PPP2R2C: variants seen among roughly 807,000 people sequenced by gnomAD.
The protein encoded by PPP2R2C is protein phosphatase 2, regulatory subunit B, gamma.
A neutral mutation model predicts 45.3 loss-of-function variants in PPP2R2C; 10 were observed. The observed-to-expected ratio is 0.22, with a 90% CI of 0.14 to 0.37. The LOEUF is 0.37. PPP2R2C is among the 10% of genes least tolerant of loss of function. The pLI is 1.00. For synonymous variants in PPP2R2C, 257 were observed against 245.4 expected, an observed-to-expected ratio of 1.05 and a Z score of -0.44; for missense variants, 308 against 619.7, an observed-to-expected ratio of 0.50 and a Z score of 5.34.
At chr4:6,370,738 C>T (rs1427720016) in intron 5 of PPP2R2C, among the ~76,000 whole-genome samples, 1 of 152,222 alleles carries the variant, frequency 6.6e-6, no homozygotes, top group Non-Finnish European at 1.5e-5. Context: ...GCCCGCAGCT[C>T]TCTTACAGTT....
Position 6,375,792 on chromosome 4 carries a change from G to A in PPP2R2C, c.447+27C>T. The A allele has an allele frequency of 1.9e-6, 3 of 1,540,358 alleles. No homozygotes were observed. The South Asian group carries it at 3.4e-5, about 18-fold the overall frequency. ...CCTCAGGTGTAATAAAGAGGCGTGTGCCTGCTTCCCCCTCACCGGAGCTCA... is the reference window on the plus strand; with the variant it reads ...CCTCAGGTGTAATAAAGAGGCGTGTACCTGCTTCCCCCTCACCGGAGCTCA... On this transcript the variant is annotated intron_variant, in intron 4 of 8. Transcript: ENST00000382599.
In PPP2R2C at chr4:6,378,272, C is replaced by T; in HGVS notation, c.334+135G>A. ...ACTCACTCATGGGATTTATATGCTG[C>T]TCAAAAAGGATATTATTTTCTAGGC... On this transcript the variant is annotated intron_variant, in intron 3 of 8. Transcript: ENST00000382599. The surrounding 1 kb of genome is among the most constrained non-coding windows in gnomAD (Gnocchi z 5.2). 1.3e-6 allele frequency: 2 copies of T among 1,516,958 alleles called. No individual in the cohort carries two copies. The highest frequency in any genetic ancestry group is 1.8e-6 in the Non-Finnish European group (2 of 1,133,258). The allele number at this position is 1,516,958 out of a possible 1,614,324, so 94.0% of individuals were successfully genotyped here.
intron 1 of PPP2R2C, among the ~76,000 whole-genome samples, chr4:6,443,285 C>T (rs899992834): frequency 2.0e-5 from 3 of 152,242 alleles, no homozygotes; most frequent in African/African-American, 7.2e-5. Context: ...AGTGTCATCT[C>T]TGAAAACTGA....
chr4:6,486,342 A>T (rs968100225), intron 2 of PPP2R2C, among the ~76,000 whole-genome samples: 1 of 152,016 alleles, frequency 6.6e-6, no homozygotes, highest in African/African-American at 2.4e-5. Flanking sequence ...TTGAACATCT[A>T]TTCTGCTGTT....
chr4:6,363,101 C>T (rs1713955515), intron 5 of PPP2R2C, among the ~76,000 whole-genome samples: 2 of 152,134 alleles, frequency 1.3e-5, no homozygotes, highest in Admixed American at 6.5e-5. Context: ...TGGCTCACAA[C>T]GGGGTCAGCA....
In PPP2R2C at chr4:6,368,998, T is replaced by G. The variant is rs1714578612; in HGVS notation, c.625+3525A>C. Among the ~76,000 whole-genome samples the G allele has an allele frequency of 6.6e-6, 1 of 152,150 alleles. No individual in the cohort carries two copies. The highest frequency in any genetic ancestry group is 1.5e-5 in the Non-Finnish European group (1 of 67,998). ...AGACGGGGAGACAGGATTCAATCCT[T>G]CTGATGAATGAAGGGGGATGTCTCT... On this transcript the variant is annotated intron_variant, in intron 5 of 8. Coordinates refer to ENST00000382599, the MANE Select transcript of PPP2R2C (RefSeq NM_020416.4). The surrounding 1 kb of genome is among the most constrained non-coding windows in gnomAD (Gnocchi z 4.2).
In PPP2R2C at chr4:6,373,133, A is replaced by T. The variant is rs570204008; in HGVS notation, c.448-433T>A. On this transcript the variant is annotated intron_variant, in intron 4 of 8. Coordinates refer to ENST00000382599, the MANE Select transcript of PPP2R2C (RefSeq NM_020416.4). ...CACATGACTAGTTCTGACCAATGGG[A>T]TGTGAGCAAAGTGATACCTGGCCCT... is the stretch of plus-strand genomic sequence containing the variant. Among the ~76,000 whole-genome samples the T allele has an allele frequency of 3.3e-5, 5 of 152,208 alleles. No homozygotes were observed. The South Asian group carries it at 6.2e-4, about 19-fold the overall frequency.
chr4:6,329,363 T>C lies in PPP2R2C; in HGVS notation c.961-10A>G, dbSNP rs1370556315. The C allele has an allele frequency of 3.1e-6, 5 of 1,611,702 alleles. 1 individual carries two copies. In the South Asian group the frequency reaches 5.5e-5, roughly 18 times the overall value. ...GAAGGTAGTCATGGACCTGGTGGGA[T>C]AAGGGATGAGGTGAGTGGACGGGGC... On this transcript the variant is annotated splice_polypyrimidine_tract_variant and intron_variant, in intron 7 of 8. Transcript: ENST00000382599. This position sits in a 1 kb window ranked among gnomAD's most constrained non-coding sequence, Gnocchi z 5.8.
chr4:6,326,068 G>C (rs1455491285), intron 8 of PPP2R2C, among the ~76,000 whole-genome samples: 1 of 152,206 alleles, frequency 6.6e-6, no homozygotes, highest in Non-Finnish European at 1.5e-5. Context: ...GGCCAACTTG[G>C]GCATGTGATA....
At chr4:6,382,987 G>C (rs1715961614) in intron 1 of PPP2R2C, 1 of 1,076,250 alleles carries the variant, frequency 9.3e-7, no homozygotes, top group African/African-American at 1.7e-5. Flanking sequence ...GCCGCATCTG[G>C]AGCCAAACCT....
chr4:6,333,346 A>G (rs1017166104), intron 7 of PPP2R2C, among the ~76,000 whole-genome samples: 2 of 152,224 alleles, frequency 1.3e-5, no homozygotes, highest in Admixed American at 6.5e-5. Flanking sequence ...GGCCTTGCTC[A>G]GGGACATCCA....
intron 2 of PPP2R2C, among the ~76,000 whole-genome samples, chr4:6,500,241 G>A (rs1235269515): frequency 3.3e-5 from 5 of 152,110 alleles, no homozygotes; most frequent in African/African-American, 9.7e-5. Flanking sequence ...TCCACCTCCC[G>A]AGTTCAAGCG....
At chr4:6,475,390 A>G (rs1185357914), upstream of PPP2R2C, among the ~76,000 whole-genome samples, 1 of 152,052 alleles carries the variant, frequency 6.6e-6, no homozygotes, top group Non-Finnish European at 1.5e-5. Flanking sequence ...AGCTATCCTC[A>G]CTCCGTGTCC....
rs1383054753 is a variant in PPP2R2C at position 6,414,070 on chromosome 4, C to CTGTGTG, written c.71-32977_71-32976insCACACA. On this transcript the variant is annotated intron_variant, in intron 1 of 8. Coordinates refer to ENST00000382599, the MANE Select transcript of PPP2R2C (RefSeq NM_020416.4). The stretch of plus-strand genomic sequence containing the variant: ...CATGGGACAGTAACATAAGTTTTGC[C>CTGTGTG]TGTGTATGTGTGTGTGTGTGTGTGT... 1.3e-4 allele frequency: 151 copies of CTGTGTG among 1,202,570 alleles called. 9 individuals carry two copies. The highest frequency in any genetic ancestry group is 7.5e-4 in the African/African-American group (42 of 56,308). 74.5% of individuals were successfully genotyped at this position (1,202,570 alleles called of 1,614,324 possible).
chr4:6,457,321 A>G (rs976405628), intron 1 of PPP2R2C, among the ~76,000 whole-genome samples: 1 of 152,154 alleles, frequency 6.6e-6, no homozygotes, highest in Non-Finnish European at 1.5e-5. Flanking sequence ...TTGTCAAGAC[A>G]TTAAAAAGTC....
intron 6 of PPP2R2C, among the ~76,000 whole-genome samples, chr4:6,341,173 C>G (rs1733413243): frequency 6.6e-6 from 1 of 152,162 alleles, no homozygotes; most frequent in Admixed American, 6.5e-5. Context: ...AAAACCTTGT[C>G]TCTACTAAAA....
At chr4:6,354,099 T>C (rs1335812137) in intron 5 of PPP2R2C, among the ~76,000 whole-genome samples, 1 of 150,644 alleles carries the variant, frequency 6.6e-6, no homozygotes, top group African/African-American at 2.4e-5. Flanking sequence ...CTGAACCCCT[T>C]GCGCTCTGCC....
intron 2 of PPP2R2C, among the ~76,000 whole-genome samples, chr4:6,516,428 G>A (rs1044299418): frequency 6.6e-6 from 1 of 151,964 alleles, no homozygotes; most frequent in Admixed American, 6.6e-5. Flanking sequence ...CTGTGCAGCT[G>A]AGCAAGCTGC....
intron 6 of PPP2R2C, 30 bp downstream of exon 6, chr4:6,347,816 A>ACCCCCC: frequency 1.3e-6 from 1 of 791,104 alleles, no homozygotes; most frequent in Non-Finnish European, 1.9e-6. Flanking sequence ...CCCAATGCAC[A>ACCCCCC]GCCCCCCACC....
Sources: gnomAD v4.1 joint callset for allele counts (sites outside exome capture counted in the v4.1 genomes callset) on GRCh38, gnomAD v4.1.1 for gene constraint, Gnocchi (gnomAD v3.1) non-coding constraint, MANE v1.5 for transcripts, NCBI Gene and HGNC (gene_info 2026-07-23, HGNC 2026-07-21) for gene names.